Variants in ASAP1 observed in about 807,000 individuals in gnomAD.
ASAP1 encodes arf-GAP with SH3 domain, ANK repeat and PH domain-containing protein 1.
ASAP1 carries 43 observed loss-of-function variants against 145.2 expected under a neutral mutation model. The ratio of observed to expected loss-of-function variants is 0.30; its 90% CI spans 0.23 to 0.38. The LOEUF is 0.38. ASAP1 is among the 10% of genes least tolerant of loss of function. The probability of loss-of-function intolerance (pLI) is 1.00; values close to 1 mark genes in which losing one functional copy is unlikely to be tolerated. For synonymous variants in ASAP1, 546 were observed against 515.5 expected, an observed-to-expected ratio of 1.06 and a Z score of -0.80; for missense variants, 1,018 against 1,355.3, an observed-to-expected ratio of 0.75 and a Z score of 3.91.
intron 5 of ASAP1, chr8:130,195,294 G>A (rs535011112): frequency 1.3e-5 from 2 of 151,554 alleles, no homozygotes; most frequent in African/African-American, 2.4e-5. Context: ...CAAGCAATTG[G>A]CGGGGGCCAA....
chr8:130,345,229 A>C (rs958314092), intron 3 of ASAP1, among the ~76,000 whole-genome samples: 1 of 152,220 alleles, frequency 6.6e-6, no homozygotes, highest in Non-Finnish European at 1.5e-5. Flanking sequence ...TCATAAAATC[A>C]TATGATTCAC....
intron 5 of ASAP1, among the ~76,000 whole-genome samples, chr8:130,206,961 G>T (rs191176861): frequency 1.3e-5 from 2 of 151,936 alleles, no homozygotes; most frequent in East Asian, 3.9e-4. Context: ...AGCAAGTAAT[G>T]ATTTTATTGG....
chr8:130,116,938 C>T lies in ASAP1; in HGVS notation c.1938G>A (p.Met646Ile), dbSNP rs760369363. The T allele has an allele frequency of 1.9e-5, 31 of 1,613,876 alleles. No homozygotes were observed. The highest frequency in any genetic ancestry group is 6.6e-5 in the South Asian group (6 of 91,042). Residue 646 changes from methionine to isoleucine, a missense_variant, in exon 21 of 30, where the codon ATG becomes ATA. Transcript: ENST00000518721. ...LGNTVLHYCS[M>I]YSKPECLKLL... ...GCTTCAAACACTCAGGTTTACTGTA[C>T]ATACTACAGTAGTGTAGAACTGTGT... is the stretch of plus-strand genomic sequence containing the variant.
chr8:130,159,647 C>T (rs953090972), intron 12 of ASAP1, among the ~76,000 whole-genome samples: 10 of 151,696 alleles, frequency 6.6e-5, no homozygotes, highest in South Asian at 2.1e-4. Context: ...TATAATTGCA[C>T]GTTACAAGAC....
At chr8:130,439,580 A>G (rs998088227) in intron 1 of ASAP1, among the ~76,000 whole-genome samples, 1 of 128,540 alleles carries the variant, frequency 7.8e-6, no homozygotes, top group South Asian at 2.4e-4. Context: ...ATAAGATATT[A>G]AAAAAAAAAG....
At chr8:130,167,012 A>G (rs185482393) in intron 11 of ASAP1, among the ~76,000 whole-genome samples, 1 of 152,288 alleles carries the variant, frequency 6.6e-6, no homozygotes, top group Non-Finnish European at 1.5e-5. Context: ...TTGAAAATCT[A>G]TAGTCATGGG....
intron 24 of ASAP1, among the ~76,000 whole-genome samples, chr8:130,109,150 C>T (rs1006874227): frequency 6.6e-6 from 1 of 152,050 alleles, no homozygotes; most frequent in Non-Finnish European, 1.5e-5. Flanking sequence ...AAACGAGAAA[C>T]TACCACACAC....
intron 3 of ASAP1, among the ~76,000 whole-genome samples, chr8:130,354,589 G>A (rs751542347): frequency 2.0e-5 from 3 of 152,186 alleles, no homozygotes; most frequent in South Asian, 4.1e-4. Flanking sequence ...GCCTGCTCCC[G>A]TTTAGGGAAA....
At chr8:130,318,766 A>C (rs1158569) in intron 3 of ASAP1, among the ~76,000 whole-genome samples, 74,944 of 151,962 alleles carry the variant, frequency 0.49, 18,865 homozygotes, top group South Asian at 0.67. Context: ...TCAAATATAG[A>C]CTAGACACTT....
At chr8:130,179,211 A>T in intron 9 of ASAP1, 53 bp downstream of exon 9, 1 of 1,084,742 alleles carries the variant, frequency 9.2e-7, no homozygotes, top group South Asian at 1.3e-5. Context: ...CAAATAATGA[A>T]GTACAGGGGG....
intron 13 of ASAP1, among the ~76,000 whole-genome samples, chr8:130,139,291 C>T (rs1030022036): frequency 6.6e-6 from 1 of 152,146 alleles, no homozygotes; most frequent in African/African-American, 2.4e-5. Flanking sequence ...TTTCCATTAG[C>T]TCAGATGAAA....
intron 3 of ASAP1, among the ~76,000 whole-genome samples, chr8:130,317,081 A>C: frequency 7.6e-6 from 1 of 132,188 alleles, no homozygotes. Context: ...TTAGTTTCAC[A>C]TCATGCTTTT....
intron 1 of ASAP1, among the ~76,000 whole-genome samples, chr8:130,434,550 T>C (rs145069292): frequency 9.9e-5 from 15 of 152,270 alleles, no homozygotes; most frequent in African/African-American, 3.4e-4. Flanking sequence ...GCTATCACTA[T>C]TGATTCCAAG....
At chr8:130,324,269 C>A (rs1318160252) in intron 3 of ASAP1, among the ~76,000 whole-genome samples, 1 of 152,098 alleles carries the variant, frequency 6.6e-6, no homozygotes, top group Admixed American at 6.5e-5. Flanking sequence ...AAATGTTAGG[C>A]TCACTTCTCT....
At chr8:130,199,044 T>TGTC (rs1815694483) in intron 5 of ASAP1, among the ~76,000 whole-genome samples, 1 of 152,206 alleles carries the variant, frequency 6.6e-6, no homozygotes, top group Admixed American at 6.5e-5. Context: ...TCTGTCTCCA[T>TGTC]GTCACTTTCT....
intron 25 of ASAP1, among the ~76,000 whole-genome samples, chr8:130,080,385 G>A (rs571408536): frequency 4.0e-4 from 61 of 152,124 alleles, no homozygotes; most frequent in African/African-American, 1.4e-3. Flanking sequence ...CAAGTGGAAT[G>A]TGCATGTGAA....
chr8:130,075,647 C>T (rs1219006066), intron 27 of ASAP1, among the ~76,000 whole-genome samples: 1 of 152,094 alleles, frequency 6.6e-6, no homozygotes, highest in Admixed American at 6.5e-5. Flanking sequence ...GGTATGGTAA[C>T]AACAACGACA....
At chr8:130,256,759 A>ATATATATCCT (rs1554860226) in intron 3 of ASAP1, among the ~76,000 whole-genome samples, 14 of 95,750 alleles carry the variant, frequency 1.5e-4, no homozygotes, top group African/African-American at 5.1e-4. Context: ...ATATATATAT[A>ATATATATCCT]TATATATATA....
rs371153344 is a variant in ASAP1, at chr8:130,118,217, G to A, written c.1824C>T (p.Ala608=). ...GAGATGTCTGATCTGCAGTTCGGAC[G>A]GCAAGGTGAAGGGCTGTCTCCCCAA... ...QELGETALHL[A]VRTADQTSLH... Residue 608 remains alanine (A), a synonymous_variant, in exon 20 of 30, where the codon GCC becomes GCT. Transcript: ENST00000518721. 28 of 1,613,846 alleles carry A rather than the reference G, an allele frequency of 1.7e-5. No individual in the cohort carries two copies. In the African/African-American group the frequency reaches 2.3e-4, roughly 13 times the overall value.
Sources: gnomAD v4.1 joint callset for allele counts (sites outside exome capture counted in the v4.1 genomes callset) on GRCh38, gnomAD v4.1.1 for gene constraint, MANE v1.5 for transcripts, NCBI Gene and HGNC (gene_info 2026-07-23, HGNC 2026-07-21) for gene names.